Variants in TAF3 observed in about 807,000 individuals in gnomAD.
TAF3 encodes the protein TATA-box binding protein associated factor 3.
In TAF3, 7 loss-of-function variants were observed where a neutral mutation model predicts 80.6. That is an observed-to-expected ratio of 0.09 (90% CI 0.05 to 0.16). The LOEUF (loss-of-function observed/expected upper bound fraction) is 0.16, where lower values mean the gene tolerates loss of function less well. Ranked by LOEUF, TAF3 falls within the 10% of genes least tolerant of loss-of-function variation. TAF3 has a pLI of 1.00. For synonymous variants in TAF3, 444 were observed against 446.1 expected (o/e 1.00, Z 0.06); for missense variants, 921 against 1,140.2 (o/e 0.81, Z 2.77).
chr10:7,917,660 C>T (rs1016975073), intron 2 of TAF3, among the ~76,000 whole-genome samples: 3 of 152,142 alleles, frequency 2.0e-5, no homozygotes, highest in African/African-American at 2.4e-5. Flanking sequence ...AGGCCGTCAC[C>T]GGTTGGGGGA....
Position 7,842,008 on chromosome 10 carries a change from TTTACC to T in TAF3, c.409+17449_409+17453del, listed in dbSNP as rs528491335. On this transcript the variant is annotated intron_variant, in intron 2 of 6. Transcript: ENST00000344293. ...CTTTAAATCAGGTGGATGGTGGGCT[TTTACC>T]AAATGACTGCCTATGTTGGCCAGGC... 1.2e-3 allele frequency among the ~76,000 whole-genome samples: 176 copies of T among 152,234 alleles called. 1 individual carries two copies. The highest frequency in any genetic ancestry group is 4.0e-3 in the African/African-American group (168 of 41,542).
At chr10:7,912,616 A>G (rs1483450248) in intron 2 of TAF3, among the ~76,000 whole-genome samples, 1 of 152,216 alleles carries the variant, frequency 6.6e-6, no homozygotes, top group Non-Finnish European at 1.5e-5. Flanking sequence ...TCTGAAATAC[A>G]TGGTAATTCT....
At chr10:7,966,524 G>A (rs533011687) in intron 3 of TAF3, among the ~76,000 whole-genome samples, 6 of 152,280 alleles carry the variant, frequency 3.9e-5, no homozygotes, top group Non-Finnish European at 8.8e-5. Context: ...TCAGTCTGTG[G>A]TTTCTTGGAT....
chr10:7,974,911 T>C (rs1162651583), intron 3 of TAF3, among the ~76,000 whole-genome samples: 4 of 151,836 alleles, frequency 2.6e-5, no homozygotes, highest in African/African-American at 9.7e-5. Context: ...CCGTCTCTAC[T>C]AAAAATACAA....
chr10:7,824,238 TTAC>T (rs1423721715), intron 1 of TAF3, 77 bp from the exon 2 acceptor site: 42 of 1,478,294 alleles, frequency 2.8e-5, no homozygotes, highest in Non-Finnish European at 3.8e-5. Context: ...GCATATTTAC[TTAC>T]TACTTTTTCT....
Position 7,964,683 on chromosome 10 carries a change from C to T in TAF3, c.1173C>T (p.Ile391=), listed in dbSNP as rs770956189. The change falls in exon 3 of 7, where the codon ATC becomes ATT. Residue 391 remains isoleucine (I), a synonymous_variant. Coordinates refer to ENST00000344293, the MANE Select transcript of TAF3 (RefSeq NM_031923.4). The surrounding 1 kb of genome is among the most constrained non-coding windows in gnomAD (Gnocchi z 4.1). ...VVADKTIEAS[I]DAVIARACAE... ...CAGATAAAACGATTGAGGCCTCTATCGATGCTGTGATTGCACGAGCCTGTG... is the reference window on the plus strand; with the variant it reads ...CAGATAAAACGATTGAGGCCTCTATTGATGCTGTGATTGCACGAGCCTGTG... 18 of 1,614,050 alleles carry T rather than the reference C, an allele frequency of 1.1e-5. No homozygotes were observed. Among genetic ancestry groups the T allele is most frequent in the East Asian group, 4.5e-5 (2 of 44,900 alleles).
At chr10:7,920,299 C>CGTGTGT (rs60287426) in intron 2 of TAF3, among the ~76,000 whole-genome samples, 171 of 101,370 alleles carry the variant, frequency 1.7e-3, no homozygotes, top group East Asian at 2.4e-3. Flanking sequence ...TTTAAACATA[C>CGTGTGT]GTGTGTGTGT....
At chr10:7,979,607 T>C (rs1040511925) in intron 4 of TAF3, among the ~76,000 whole-genome samples, 1 of 152,158 alleles carries the variant, frequency 6.6e-6, no homozygotes, top group Admixed American at 6.6e-5. Flanking sequence ...CTTTCAGATA[T>C]GTAGGTAATG....
intron 2 of TAF3, among the ~76,000 whole-genome samples, chr10:7,886,089 T>C (rs1428464602): frequency 6.6e-6 from 1 of 152,076 alleles, no homozygotes; most frequent in Non-Finnish European, 1.5e-5. Flanking sequence ...CCACCATGTC[T>C]GGCTAATTGT....
chr10:8,010,066 C>A (rs1347312250), intron 5 of TAF3, among the ~76,000 whole-genome samples: 1 of 152,096 alleles, frequency 6.6e-6, no homozygotes, highest in Non-Finnish European at 1.5e-5. Context: ...CCACCACTCT[C>A]GATTAGTTTT....
chr10:7,935,518 A>AGCTT (rs1837909822), intron 2 of TAF3, among the ~76,000 whole-genome samples: 1 of 152,056 alleles, frequency 6.6e-6, no homozygotes, highest in Non-Finnish European at 1.5e-5. Context: ...CGGGAGGCGG[A>AGCTT]GCTTGCAGTG....
At chr10:7,858,772 A>G (rs1837108282) in intron 2 of TAF3, among the ~76,000 whole-genome samples, 1 of 152,140 alleles carries the variant, frequency 6.6e-6, no homozygotes, top group African/African-American at 2.4e-5. Flanking sequence ...TGTCAACATT[A>G]TCATCATCAG....
At chr10:7,883,399 A>G (rs1022396486) in intron 2 of TAF3, among the ~76,000 whole-genome samples, 7 of 152,336 alleles carry the variant, frequency 4.6e-5, no homozygotes, top group African/African-American at 1.7e-4. Flanking sequence ...TGTTCTTCTA[A>G]TGCCTCATGT....
chr10:7,866,664 A>T (rs1002178344), intron 2 of TAF3, among the ~76,000 whole-genome samples: 3 of 152,186 alleles, frequency 2.0e-5, no homozygotes, highest in Non-Finnish European at 2.9e-5. Flanking sequence ...TTTAACTGCA[A>T]TGGGAAACCA....
chr10:7,895,947 C>G lies in TAF3; in HGVS notation c.410-67973C>G, dbSNP rs139339275. ...TCAGTGAACACCGAAGCTGACCATG[C>G]GGGGGTGGAAATTCCAAGTTGGGCC... On this transcript the variant is annotated intron_variant, in intron 2 of 6. Transcript: ENST00000344293. 4.7e-3 allele frequency among the ~76,000 whole-genome samples: 719 copies of G among 152,102 alleles called. 18 individuals are homozygous for G. The highest frequency in any genetic ancestry group is 0.038 in the East Asian group (199 of 5,180).
intron 2 of TAF3, among the ~76,000 whole-genome samples, chr10:7,938,594 A>G (rs1837947376): frequency 6.6e-6 from 1 of 152,216 alleles, no homozygotes; most frequent in Non-Finnish European, 1.5e-5. Flanking sequence ...TAACAGAGAA[A>G]TAATGAGGCC....
intron 2 of TAF3, among the ~76,000 whole-genome samples, chr10:7,886,073 G>T (rs1588538694): frequency 6.6e-6 from 1 of 151,848 alleles, no homozygotes; most frequent in Non-Finnish European, 1.5e-5. Flanking sequence ...GGACTACAGG[G>T]GTCCACCACC....
At chr10:7,886,713 T>G (rs1489264632) in intron 2 of TAF3, among the ~76,000 whole-genome samples, 6 of 152,252 alleles carry the variant, frequency 3.9e-5, no homozygotes, top group Non-Finnish European at 7.3e-5. Flanking sequence ...ACCTTACTCC[T>G]AATACGCATT....
intron 2 of TAF3, among the ~76,000 whole-genome samples, chr10:7,925,854 T>A (rs1312872580): frequency 6.6e-6 from 1 of 151,290 alleles, no homozygotes; most frequent in Non-Finnish European, 1.5e-5. Context: ...AAAAGTAAGA[T>A]TTTTTTACAA....
Sources: gnomAD v4.1 joint callset for allele counts (sites outside exome capture counted in the v4.1 genomes callset) on GRCh38, gnomAD v4.1.1 for gene constraint, Gnocchi (gnomAD v3.1) non-coding constraint, MANE v1.5 for transcripts, NCBI Gene and HGNC (gene_info 2026-07-23, HGNC 2026-07-21) for gene names.